GAB2: variants seen among roughly 807,000 people sequenced by gnomAD.
GAB2 encodes the protein GRB2 associated binding protein 2, also known as GRB2-associated-binding protein 2.
GAB2 carries 26 observed loss-of-function variants against 65.5 expected under a neutral mutation model. That is an observed-to-expected ratio of 0.40 (90% CI 0.29 to 0.55). GAB2 has a LOEUF of 0.55. Among genes scored for constraint, GAB2 ranks in the 20% least tolerant of loss-of-function variants. GAB2 has a pLI of 0.53. For synonymous variants in GAB2, 321 were observed against 329.6 expected, an observed-to-expected ratio of 0.97 and a Z score of 0.28; for missense variants, 884 against 875.8, an observed-to-expected ratio of 1.01 and a Z score of -0.12.
chr11:78,401,894 GATTAGGACCAC>G (rs1283004038), intron 1 of GAB2, among the ~76,000 whole-genome samples: 1 of 152,140 alleles, frequency 6.6e-6, no homozygotes, highest in Non-Finnish European at 1.5e-5. Flanking sequence ...ATAATCCAGT[GATTAGGACCAC>G]AATAGAAACC....
At chr11:78,372,659 T>C (rs1591071726) in intron 1 of GAB2, among the ~76,000 whole-genome samples, 1 of 152,270 alleles carries the variant, frequency 6.6e-6, no homozygotes, top group South Asian at 2.1e-4. Context: ...CTGTCCTGGG[T>C]AGAAAGTCCA....
At chr11:78,351,254 CTT>C (rs1373581473) in intron 1 of GAB2, among the ~76,000 whole-genome samples, 1 of 145,284 alleles carries the variant, frequency 6.9e-6, no homozygotes. Flanking sequence ...ACCCAGTGGC[CTT>C]TTTTTTTTTT....
intron 1 of GAB2, among the ~76,000 whole-genome samples, chr11:78,321,970 A>G (rs952409864): frequency 6.6e-6 from 1 of 152,066 alleles, no homozygotes; most frequent in African/African-American, 2.4e-5. Context: ...CCTACCTATC[A>G]TGATACATAA....
intron 1 of GAB2, among the ~76,000 whole-genome samples, chr11:78,370,713 G>GTGTGTGTGTGTA (rs1591070566): frequency 8.3e-6 from 1 of 120,810 alleles, no homozygotes; most frequent in Non-Finnish European, 1.6e-5. Context: ...GTGTGTGTGC[G>GTGTGTGTGTGTA]TGTGTGTGTG....
intron 1 of GAB2, among the ~76,000 whole-genome samples, chr11:78,316,639 T>A (rs1385241241): frequency 1.3e-5 from 2 of 152,186 alleles, no homozygotes; most frequent in African/African-American, 4.8e-5. Flanking sequence ...TAGAAATAAG[T>A]GTTGGTGAGA....
chr11:78,223,388 G>A, intron 6 of GAB2, 24 bp downstream of exon 6: 1 of 1,499,826 alleles, frequency 6.7e-7, no homozygotes, highest in African/African-American at 1.4e-5. Context: ...TCCAGAGATG[G>A]GACAGGGGAA....
chr11:78,263,682 C>A (rs1275381065), intron 2 of GAB2, among the ~76,000 whole-genome samples: 1 of 150,958 alleles, frequency 6.6e-6, no homozygotes, highest in African/African-American at 2.4e-5. Flanking sequence ...TAAACTTGTA[C>A]TAACAAGCTT....
chr11:78,332,613 TTAAG>T (rs1278815538), intron 1 of GAB2, among the ~76,000 whole-genome samples: 3 of 152,150 alleles, frequency 2.0e-5, no homozygotes, highest in African/African-American at 7.2e-5. Context: ...ACCTCACAAC[TTAAG>T]TAAGAGTCTA....
chr11:78,408,264 G>A (rs1292422298), intron 1 of GAB2, among the ~76,000 whole-genome samples: 1 of 152,086 alleles, frequency 6.6e-6, no homozygotes, highest in African/African-American at 2.4e-5. Context: ...ATAAAGGGAG[G>A]TAAGGTTACT....
In GAB2 at chr11:78,220,355, C is replaced by A; in HGVS notation, c.1851G>T (p.Leu617=). 1 of 1,613,064 alleles carries A rather than the reference C, an allele frequency of 6.2e-7. No homozygotes were observed. Among genetic ancestry groups the A allele is most frequent in the Non-Finnish European group, 8.5e-7 (1 of 1,179,600 alleles). Residue 617 remains leucine, a synonymous_variant, in exon 9 of 10, where the codon CTG becomes CTT. Transcript: ENST00000361507. ...KSTGSVDYLA[L]DFQPSSPSPH... ...GGCTTGGGGAGCTCGGCTGGAAGTC[C>A]AGGGCCAGATAATCAACGCTGCCGG...
At chr11:78,370,461 GT>G (rs1297301000) in intron 1 of GAB2, among the ~76,000 whole-genome samples, 1 of 152,048 alleles carries the variant, frequency 6.6e-6, no homozygotes, top group Non-Finnish European at 1.5e-5. Flanking sequence ...TGGGCAAGAT[GT>G]TTTTTATTGA....
At chr11:78,390,569 G>GAT (rs1390096710) in intron 1 of GAB2, among the ~76,000 whole-genome samples, 1 of 152,050 alleles carries the variant, frequency 6.6e-6, no homozygotes, top group East Asian at 1.9e-4. Flanking sequence ...AGCATATATA[G>GAT]ATATATATAA....
At chr11:78,264,088 G>A (rs1426542761) in intron 2 of GAB2, among the ~76,000 whole-genome samples, 2 of 152,116 alleles carry the variant, frequency 1.3e-5, no homozygotes, top group Non-Finnish European at 2.9e-5. Context: ...ACATGCTGTT[G>A]TGTTAAATAG....
intron 3 of GAB2, among the ~76,000 whole-genome samples, chr11:78,245,171 G>A (rs532451904): frequency 6.6e-6 from 1 of 152,198 alleles, no homozygotes; most frequent in South Asian, 2.1e-4. Flanking sequence ...GGGGAAATGG[G>A]GAGTTGTTGA....
chr11:78,237,623 GA>G (rs1865015822), intron 3 of GAB2, among the ~76,000 whole-genome samples: 2 of 151,378 alleles, frequency 1.3e-5, no homozygotes, highest in Admixed American at 1.3e-4. Flanking sequence ...AACTTGTGGG[GA>G]AAAAAAAGGG....
intron 5 of GAB2, among the ~76,000 whole-genome samples, chr11:78,224,821 C>G (rs1429425616): frequency 3.3e-5 from 5 of 152,138 alleles, no homozygotes; most frequent in Admixed American, 3.3e-4. Context: ...GAGGTTCCCC[C>G]ACCGTGCAGC....
chr11:78,322,502 C>T (rs781085283), intron 1 of GAB2, among the ~76,000 whole-genome samples: 9 of 151,466 alleles, frequency 5.9e-5, no homozygotes, highest in East Asian at 1.9e-4. Flanking sequence ...AAGAAACTAT[C>T]GAGAGAGTAA....
intron 2 of GAB2, among the ~76,000 whole-genome samples, chr11:78,264,096 T>A (rs905993482): frequency 1.3e-5 from 2 of 152,214 alleles, no homozygotes; most frequent in Non-Finnish European, 2.9e-5. Context: ...TTGTGTTAAA[T>A]AGTACTGTTT....
chr11:78,399,968 C>T (rs1463969564), intron 1 of GAB2, among the ~76,000 whole-genome samples: 1 of 152,180 alleles, frequency 6.6e-6, no homozygotes, highest in Non-Finnish European at 1.5e-5. Flanking sequence ...TGAACATAAA[C>T]ATTGTCAATA....
Sources: gnomAD v4.1 joint callset for allele counts (sites outside exome capture counted in the v4.1 genomes callset) on GRCh38, gnomAD v4.1.1 for gene constraint, MANE v1.5 for transcripts, NCBI Gene and HGNC (gene_info 2026-07-23, HGNC 2026-07-21) for gene names.